Variants in FAM135B observed in about 807,000 individuals in gnomAD.
FAM135B encodes the protein protein FAM135B.
A neutral mutation model predicts 127.7 loss-of-function variants in FAM135B; 43 were observed. That is an observed-to-expected ratio of 0.34 (90% CI 0.26 to 0.43). FAM135B has a LOEUF of 0.43. Ranked by LOEUF, FAM135B falls within the 20% of genes least tolerant of loss-of-function variation. FAM135B has a pLI of 1.00. For synonymous variants in FAM135B, 670 were observed against 665.1 expected (o/e 1.01, Z -0.11); for missense variants, 1,558 against 1,725.6 (o/e 0.90, Z 1.72).
chr8:138,363,355 C>T (rs1830549499), intron 2 of FAM135B, among the ~76,000 whole-genome samples: 2 of 152,160 alleles, frequency 1.3e-5, no homozygotes, highest in African/African-American at 2.4e-5. Flanking sequence ...TTTGTCACCA[C>T]CATTTTACAG....
intron 4 of FAM135B, among the ~76,000 whole-genome samples, chr8:138,257,541 A>G (rs550691057): frequency 2.6e-5 from 4 of 152,136 alleles, no homozygotes; most frequent in Non-Finnish European, 5.9e-5. Context: ...TACTTGCTAA[A>G]TACCAGATCT....
intron 1 of FAM135B, among the ~76,000 whole-genome samples, chr8:138,376,086 TG>T (rs879508379): frequency 8.5e-5 from 13 of 152,052 alleles, no homozygotes; most frequent in Non-Finnish European, 1.9e-4. Context: ...CTCCGCCTCC[TG>T]GGTTCAAGTG....
At chr8:138,205,431 G>A (rs1334664637) in intron 7 of FAM135B, among the ~76,000 whole-genome samples, 1 of 152,166 alleles carries the variant, frequency 6.6e-6, no homozygotes, top group African/African-American at 2.4e-5. Flanking sequence ...GGAAACAGTC[G>A]AGTTGAACTT....
At chr8:138,304,207 G>A (rs1013607291) in intron 3 of FAM135B, among the ~76,000 whole-genome samples, 2 of 152,164 alleles carry the variant, frequency 1.3e-5, no homozygotes, top group African/African-American at 4.8e-5. Context: ...AGGGAGCTGG[G>A]TTTCCATGAC....
chr8:138,140,964 CT>C (rs1486802728), intron 17 of FAM135B, among the ~76,000 whole-genome samples: 2 of 152,194 alleles, frequency 1.3e-5, no homozygotes, highest in Non-Finnish European at 2.9e-5. Context: ...GAGACATTGC[CT>C]TTTTTTCACA....
At chr8:138,217,314 C>T (rs903359907) in intron 7 of FAM135B, among the ~76,000 whole-genome samples, 1 of 152,058 alleles carries the variant, frequency 6.6e-6, no homozygotes, top group African/African-American at 2.4e-5. Context: ...AAGTTCTTAG[C>T]TTAAGAGTGG....
chr8:138,151,018 T>C (rs914708487), intron 13 of FAM135B, among the ~76,000 whole-genome samples, 176 bp downstream of exon 13: 1 of 152,036 alleles, frequency 6.6e-6, no homozygotes. Flanking sequence ...GCATTTTAAA[T>C]TCCTATGATA....
chr8:138,428,998 T>C (rs759199584), intron 1 of FAM135B, among the ~76,000 whole-genome samples: 16 of 152,208 alleles, frequency 1.1e-4, no homozygotes, highest in Non-Finnish European at 2.1e-4. Flanking sequence ...ATACTCCCTG[T>C]TCTTCAGAGC....
At chr8:138,201,703 A>G (rs1472627208) in intron 7 of FAM135B, among the ~76,000 whole-genome samples, 1 of 152,168 alleles carries the variant, frequency 6.6e-6, no homozygotes, top group African/African-American at 2.4e-5. Context: ...CTCTTCAGCA[A>G]TCTGAAATGA....
intron 2 of FAM135B, among the ~76,000 whole-genome samples, chr8:138,345,936 T>C (rs569493859): frequency 1.8e-4 from 27 of 152,278 alleles, no homozygotes; most frequent in African/African-American, 6.3e-4. Flanking sequence ...ATCCAGAGTC[T>C]ACAAGGAACT....
chr8:138,475,296 T>G lies in FAM135B; in HGVS notation c.-20+21375A>C, dbSNP rs116030322. On this transcript the variant is annotated intron_variant, in intron 1 of 19. Coordinates refer to ENST00000395297, the MANE Select transcript of FAM135B (RefSeq NM_015912.4). Reference sequence around the variant, plus strand: ...CTGTCTCCTGCCCTTTCTTTTATCTTTCTACAGGAAATGCTCTAACTGGGG... The same window carrying G: ...CTGTCTCCTGCCCTTTCTTTTATCTGTCTACAGGAAATGCTCTAACTGGGG... Among the ~76,000 whole-genome samples the G allele has an allele frequency of 6.1e-3, 934 of 152,206 alleles. 5 individuals are homozygous for G. Among genetic ancestry groups the G allele is most frequent in the African/African-American group, 0.022 (905 of 41,512 alleles).
intron 19 of FAM135B, among the ~76,000 whole-genome samples, chr8:138,133,581 A>G (rs934514765): frequency 2.0e-5 from 3 of 152,222 alleles, no homozygotes. Flanking sequence ...CTGGGGAGAC[A>G]GTAATTGGAA....
intron 7 of FAM135B, among the ~76,000 whole-genome samples, chr8:138,198,819 T>C (rs928064586): frequency 1.1e-3 from 76 of 66,722 alleles, no homozygotes; most frequent in African/African-American, 5.2e-3. Context: ...TGAGGTGAAT[T>C]TCAAAGAGAT....
chr8:138,430,922 A>G (rs1587437062), intron 1 of FAM135B, among the ~76,000 whole-genome samples: 1 of 152,176 alleles, frequency 6.6e-6, no homozygotes, highest in South Asian at 2.1e-4. Flanking sequence ...TAAAATGGGA[A>G]TACCACCACG....
chr8:138,454,756 G>A (rs1430916232), intron 1 of FAM135B, among the ~76,000 whole-genome samples: 2 of 152,174 alleles, frequency 1.3e-5, no homozygotes, highest in South Asian at 2.1e-4. Flanking sequence ...CTTATAATCG[G>A]AAGGAATGGA....
At chr8:138,211,538 G>T (rs540452360) in intron 7 of FAM135B, among the ~76,000 whole-genome samples, 14 of 152,298 alleles carry the variant, frequency 9.2e-5, no homozygotes, top group African/African-American at 3.1e-4. Context: ...TTTGCATAGG[G>T]TTTAAGATCA....
At position 138,167,259 on chromosome 8, in the gene FAM135B, G is replaced by A. The variant is rs7011578; in HGVS notation, c.1258+636C>T. Among the ~76,000 whole-genome samples, 798 of 152,234 alleles carry A rather than the reference G, an allele frequency of 5.2e-3. 7 individuals carry two copies. The highest frequency in any genetic ancestry group is 0.018 in the African/African-American group (743 of 41,532). On this transcript the variant is annotated intron_variant, in intron 12 of 19. Coordinates refer to ENST00000395297, the MANE Select transcript of FAM135B (RefSeq NM_015912.4). ...TGCCCAGGCTGGAATGCGATGGCGA[G>A]ATCTCGGTTCACTGCAACCTCTGCC...
At chr8:138,224,345 A>T (rs1419783684) in intron 7 of FAM135B, among the ~76,000 whole-genome samples, 2 of 152,224 alleles carry the variant, frequency 1.3e-5, no homozygotes, top group Non-Finnish European at 2.9e-5. Context: ...GTCATCCAGC[A>T]TCAAATACAG....
intron 3 of FAM135B, among the ~76,000 whole-genome samples, chr8:138,271,408 T>C (rs1190406815): frequency 1.3e-5 from 2 of 152,350 alleles, no homozygotes; most frequent in African/African-American, 4.8e-5. Context: ...TAGATTATTA[T>C]GTTTGTATGT....
Sources: gnomAD v4.1 joint callset for allele counts (sites outside exome capture counted in the v4.1 genomes callset) on GRCh38, gnomAD v4.1.1 for gene constraint, MANE v1.5 for transcripts, NCBI Gene and HGNC (gene_info 2026-07-23, HGNC 2026-07-21) for gene names.